ITIH1: variants seen among roughly 807,000 people sequenced by gnomAD.
ITIH1 encodes inter-alpha-trypsin inhibitor heavy chain H1.
ITIH1 carries 94 observed loss-of-function variants against 104.6 expected under a neutral mutation model. The ratio of observed to expected loss-of-function variants is 0.90; its 90% CI spans 0.76 to 1.07. ITIH1 has a LOEUF of 1.07. Among genes scored for constraint, ITIH1 ranks in the 50% least tolerant of loss-of-function variants. ITIH1 has a pLI of 0.00. For missense variants in ITIH1, 1,193 were observed against 1,181.4 expected (o/e 1.01, Z -0.14); for synonymous variants, 455 against 464.4 (o/e 0.98, Z 0.26).
chr3:52,778,079 C>T, intron 2 of ITIH1, 62 bp downstream of exon 2: 1 of 1,583,194 alleles, frequency 6.3e-7, no homozygotes, highest in Non-Finnish European at 8.7e-7. Context: ...TTGCTTTCCC[C>T]AACCTGTCAG....
At position 52,779,488 on chromosome 3, in the gene ITIH1, G is replaced by A. The variant is rs780812338; in HGVS notation, c.467G>A (p.Ser156Asn). The A allele has an allele frequency of 3.4e-5, 55 of 1,614,134 alleles. 1 individual carries two copies. The highest frequency in any genetic ancestry group is 4.6e-5 in the Non-Finnish European group (54 of 1,180,060). The change falls in exon 5 of 22, where the codon AGC becomes AAC. Residue 156 changes from serine (S) to asparagine (N), a missense_variant. Physicochemically the swap from Ser to Asn is conservative, Grantham distance 46 (BLOSUM62 1). Transcript: ENST00000273283. This position sits in a 1 kb window ranked among gnomAD's most constrained non-coding sequence, Gnocchi z 4.4. ...FTIHLTVNPQ[S>N]KVTFQLTYEE... ...ATCCACCTCACCGTCAATCCCCAGAGCAAGGTCACGTTTCAGCTGACTTAT... is the reference window on the plus strand; with the variant it reads ...ATCCACCTCACCGTCAATCCCCAGAACAAGGTCACGTTTCAGCTGACTTAT...
Position 52,790,770 on chromosome 3 carries a change from G to A in ITIH1, c.2343G>A (p.Lys781=). The change falls in exon 20 of 22, where the codon AAG becomes AAA. Residue 781 remains lysine, a synonymous_variant. Coordinates refer to ENST00000273283, the MANE Select transcript of ITIH1 (RefSeq NM_002215.4). ...GCAGGGTGGTGGTGACCATCAACAA[G>A]AAGAGGAACCTGGTGGTGTCTGTGG... ...RQDGVVVTIN[K]KRNLVVSVDD... The A allele has an allele frequency of 1.2e-6, 2 of 1,612,940 alleles. No homozygotes were observed. The highest frequency in any genetic ancestry group is 8.5e-7 in the Non-Finnish European group (1 of 1,179,548).
Position 52,784,305 on chromosome 3 carries a change from A to G in ITIH1, c.1235A>G (p.Asp412Gly). 6.2e-7 allele frequency: 1 copy of G among 1,613,372 alleles called. No individual in the cohort carries two copies. The highest frequency in any genetic ancestry group is 1.3e-5 in the African/African-American group (1 of 75,004). Residue 412 changes from aspartate (D) to glycine (G), a missense_variant, in exon 11 of 22, where the codon GAC becomes GGC. Physicochemically the swap from Asp to Gly is moderately conservative, Grantham distance 94. Transcript: ENST00000273283. ...TDGDPTEGVT[D>G]RSQILKNVRN... Reference sequence around the variant, plus strand: ...GGTGTGTGGCTTGCAGGGGTGACGGACCGTTCCCAAATCCTCAAGAACGTC... The same window carrying G: ...GGTGTGTGGCTTGCAGGGGTGACGGGCCGTTCCCAAATCCTCAAGAACGTC...
At chr3:52,786,814 C>G (rs1231313088) in intron 13 of ITIH1, 131 bp from the exon 14 acceptor site, 8 of 1,083,054 alleles carry the variant, frequency 7.4e-6, no homozygotes, top group Non-Finnish European at 1.1e-5. Context: ...GCATAGGACA[C>G]CATGGGGGCT....
At position 52,789,739 on chromosome 3, in the gene ITIH1, G is replaced by A. The variant is rs758426919; in HGVS notation, c.2206G>A (p.Ala736Thr). The part of the protein sequence containing the change: ...DGTYFGRLGI[A>T]NPATDFQLEV... ...CACGTACTTCGGGCGGCTGGGAATC[G>A]CAAACCCTGCCACGGACTTTCAGTT... The change falls in exon 19 of 22, where the codon GCA becomes ACA. Residue 736 changes from alanine (A) to threonine (T), a missense_variant. Ala to Thr is a moderately conservative substitution (Grantham distance 58). Transcript: ENST00000273283. 40 of 1,614,096 alleles carry A rather than the reference G, an allele frequency of 2.5e-5. No homozygotes were observed. Among genetic ancestry groups the A allele is most frequent in the African/African-American group, 2.1e-4 (16 of 74,942 alleles).
rs1698976763 is a variant in ITIH1, at chr3:52,779,103, G to T, written c.410+57G>T. ...GGGCTGCCCTCCCCAGCCAGGACAG[G>T]TCTGATGGCTGCAAGGTGGCTTTAG... On this transcript the variant is annotated intron_variant, in intron 4 of 21. Coordinates refer to ENST00000273283, the MANE Select transcript of ITIH1 (RefSeq NM_002215.4). This position sits in a 1 kb window ranked among gnomAD's most constrained non-coding sequence, Gnocchi z 4.4. 1.6e-6 allele frequency: 2 copies of T among 1,232,924 alleles called. No homozygotes were observed. Among genetic ancestry groups the T allele is most frequent in the Non-Finnish European group, 2.4e-6 (2 of 833,048 alleles). 76.4% of individuals were successfully genotyped at this position (1,232,924 alleles called of 1,614,324 possible).
Position 52,779,693 on chromosome 3 carries a change from G to A in ITIH1, c.573+99G>A. The A allele has an allele frequency of 7.1e-7, 1 of 1,403,588 alleles. No homozygotes were observed. Among genetic ancestry groups the A allele is most frequent in the Non-Finnish European group, 1.0e-6 (1 of 991,438 alleles). 86.9% of individuals were successfully genotyped at this position (1,403,588 alleles called of 1,614,324 possible). A position where few individuals can be genotyped will look rare whatever the true frequency, so the allele number is the denominator to read the frequency against. ...CCACCATGTGTCACCACCCAGGCCTGAGAACACAGGGATGGGGACTAACCC... is the reference window on the plus strand; with the variant it reads ...CCACCATGTGTCACCACCCAGGCCTAAGAACACAGGGATGGGGACTAACCC... On this transcript the variant is annotated intron_variant, in intron 5 of 21. Coordinates refer to ENST00000273283, the MANE Select transcript of ITIH1 (RefSeq NM_002215.4). This position sits in a 1 kb window ranked among gnomAD's most constrained non-coding sequence, Gnocchi z 4.4.
chr3:52,778,040 G>A (rs369117462), intron 2 of ITIH1, 23 bp downstream of exon 2: 2 of 1,613,980 alleles, frequency 1.2e-6, no homozygotes, highest in Non-Finnish European at 1.7e-6. Context: ...CCTGGCAAAG[G>A]GGTCTGTGAC....
Position 52,779,754 on chromosome 3 carries a change from G to A in ITIH1, c.573+160G>A. On this transcript the variant is annotated intron_variant, in intron 5 of 21. Coordinates refer to ENST00000273283, the MANE Select transcript of ITIH1 (RefSeq NM_002215.4). This position sits in a 1 kb window ranked among gnomAD's most constrained non-coding sequence, Gnocchi z 4.4. ...GCTCTGATGTGCTCTTCTTGGGCAG[G>A]GAACTCCCTGAATTCTCTAACTTCC... 2.9e-6 allele frequency: 3 copies of A among 1,041,906 alleles called. No homozygotes were observed. The highest frequency in any genetic ancestry group is 4.2e-6 in the Non-Finnish European group (3 of 707,350). 64.5% of individuals were successfully genotyped at this position (1,041,906 alleles called of 1,614,324 possible).
intron 18 of ITIH1, 113 bp downstream of exon 18, chr3:52,788,458 TC>T: frequency 1.4e-6 from 1 of 737,442 alleles, no homozygotes; most frequent in Non-Finnish European, 2.3e-6. Context: ...CTGGGCACCA[TC>T]CACCTGGCTG....
intron 19 of ITIH1, chr3:52,790,325 G>T: frequency 3.7e-6 from 1 of 271,760 alleles, no homozygotes; most frequent in South Asian, 4.6e-5. Context: ...GCAATGCTGG[G>T]CAGCAGAGCT....
chr3:52,784,371 G>A lies in ITIH1; in HGVS notation c.1301G>A (p.Gly434Asp). ...GGCAGGTTCCCGCTCTACAACCTGGGTTTCGGCCACAATGTGGACTTTAAC... is the reference window on the plus strand; with the variant it reads ...GGCAGGTTCCCGCTCTACAACCTGGATTTCGGCCACAATGTGGACTTTAAC... ...IRGRFPLYNL[G>D]FGHNVDFNFL... The change falls in exon 11 of 22, where the codon GGT becomes GAT. Residue 434 changes from glycine (G) to aspartate (D), a missense_variant. Transcript: ENST00000273283. 1 of 1,614,158 alleles carries A rather than the reference G, an allele frequency of 6.2e-7. No individual in the cohort carries two copies. Among genetic ancestry groups the A allele is most frequent in the Non-Finnish European group, 8.5e-7 (1 of 1,180,006 alleles).
intron 19 of ITIH1, chr3:52,790,315 G>A (rs753136773): frequency 2.2e-5 from 6 of 271,182 alleles, no homozygotes; most frequent in Non-Finnish European, 3.5e-5. Flanking sequence ...AAGCACCAGA[G>A]CAATGCTGGG....
At chr3:52,778,836 C>T (rs1698969198) in intron 3 of ITIH1, 106 bp from the exon 4 acceptor site, 1 of 1,073,198 alleles carries the variant, frequency 9.3e-7, no homozygotes, top group Non-Finnish European at 1.4e-6. Context: ...CAGTGGAAGG[C>T]TCGTCAGGAG....
Position 52,791,928 on chromosome 3 carries a change from G to A in ITIH1, c.*17G>A, listed in dbSNP as rs377717605. On this transcript the variant is annotated 3_prime_UTR_variant, in exon 22 of 22. Transcript: ENST00000273283. The stretch of plus-strand genomic sequence containing the variant: ...ATCTTCTGAGCCCTCTGGCCAGCAC[G>A]CCTGTCCTCCCCCGGGGCCAAGGCA... 1.1e-4 allele frequency: 174 copies of A among 1,603,734 alleles called. No homozygotes were observed. The African/African-American group carries it at 1.8e-3, about 17-fold the overall frequency.
At chr3:52,780,437 C>T in intron 6 of ITIH1, 55 bp downstream of exon 6, 1 of 1,221,158 alleles carries the variant, frequency 8.2e-7, no homozygotes, top group Non-Finnish European at 1.2e-6. Context: ...TCTCAGCCTG[C>T]CCACCCCTTA....
chr3:52,788,334 ACCC>A lies in ITIH1; in HGVS notation c.2110_2112del (p.Pro704del). 1 of 1,598,580 alleles carries A rather than the reference ACCC, an allele frequency of 6.3e-7. No homozygotes were observed. The highest frequency in any genetic ancestry group is 8.5e-7 in the Non-Finnish European group (1 of 1,170,240). Reference sequence around the variant, plus strand: ...GGTGTTATCCTGAGCCTGGTACAGGACCCCAACACAGGTATGGCGGGCATCACA... The same window carrying A: ...GGTGTTATCCTGAGCCTGGTACAGGACAACACAGGTATGGCGGGCATCACA... On this transcript the variant is annotated inframe_deletion, in exon 18 of 22. Transcript: ENST00000273283.
intron 20 of ITIH1, among the ~76,000 whole-genome samples, 200 bp downstream of exon 20, chr3:52,791,121 G>A (rs568596986): frequency 2.6e-5 from 4 of 152,182 alleles, no homozygotes; most frequent in African/African-American, 4.8e-5. Context: ...ACGCTTAAGC[G>A]AGCCTGGGAG....
rs1230952419 is a variant in ITIH1 at position 52,789,795 on chromosome 3, C to A, written c.2262C>A (p.Asn754Lys). 2.5e-6 allele frequency: 4 copies of A among 1,614,250 alleles called. No homozygotes were observed. Among genetic ancestry groups the A allele is most frequent in the South Asian group, 2.2e-5 (2 of 91,088 alleles). ...LEVTPQNITLNPGFGGPVFSW... is the reference protein window; with the variant it reads ...LEVTPQNITLKPGFGGPVFSW... Reference sequence around the variant, plus strand: ...TGACTCCTCAGAACATTACGCTGAACCCCGGCTTTGGTGGGCCTGTGTTTT... The same window carrying A: ...TGACTCCTCAGAACATTACGCTGAAACCCGGCTTTGGTGGGCCTGTGTTTT... Residue 754 changes from asparagine to lysine, a missense_variant, in exon 19 of 22, where the codon AAC becomes AAA. Physicochemically the swap from Asn to Lys is moderately conservative, Grantham distance 94. Coordinates refer to ENST00000273283, the MANE Select transcript of ITIH1 (RefSeq NM_002215.4).
Sources: allele counts gnomAD v4.1 joint callset (sites outside exome capture counted in the v4.1 genomes callset), GRCh38; gene constraint gnomAD v4.1.1; non-coding constraint Gnocchi (gnomAD v3.1); transcripts MANE v1.5; gene names NCBI Gene and HGNC (gene_info 2026-07-23, HGNC 2026-07-21).